Variants in ADGRG6 observed in about 807,000 individuals in gnomAD.
The protein encoded by ADGRG6 is adhesion G protein-coupled receptor G6.
Under a neutral mutation model 142.4 loss-of-function variants are expected in ADGRG6, and 84 were observed. The observed-to-expected ratio is 0.59, with a 90% CI of 0.49 to 0.71. ADGRG6 has a LOEUF of 0.71. Among genes scored for constraint, ADGRG6 ranks in the 30% least tolerant of loss-of-function variants. The pLI, the probability that ADGRG6 is intolerant of heterozygous loss-of-function variation, is 0.00. For missense variants in ADGRG6, 1,367 were observed against 1,466.6 expected (o/e 0.93, Z 1.11); for synonymous variants, 521 against 520.5 (o/e 1.00, Z -0.01).
chr6:142,357,728 A>G (rs1041755802), intron 2 of ADGRG6, among the ~76,000 whole-genome samples: 2 of 152,186 alleles, frequency 1.3e-5, no homozygotes, highest in Non-Finnish European at 2.9e-5. Flanking sequence ...TGTAAACCCA[A>G]AATTTGCTCT....
At chr6:142,316,639 T>C (rs918568887) in intron 2 of ADGRG6, among the ~76,000 whole-genome samples, 1 of 152,188 alleles carries the variant, frequency 6.6e-6, no homozygotes, top group Non-Finnish European at 1.5e-5. Context: ...TTATGTACAA[T>C]TGATACTGGC....
Position 142,397,625 on chromosome 6 carries a change from G to T in ADGRG6, c.1437G>T (p.Trp479Cys). ...AATGTTTCCCTAGGTTGGTGCTTTGGGCCCTTCTAGTTTACAATGCTACCA... is the reference window on the plus strand; with the variant it reads ...AATGTTTCCCTAGGTTGGTGCTTTGTGCCCTTCTAGTTTACAATGCTACCA... Reference protein sequence around the residue: ...SLEDEPRLVLWALLVYNATNN... With the variant: ...SLEDEPRLVLCALLVYNATNN... Residue 479 changes from tryptophan (W) to cysteine (C), a missense_variant, in exon 10 of 25, where the codon TGG becomes TGT. By Grantham distance (215) the Trp-to-Cys change is radical. Transcript: ENST00000367609. 3 of 1,608,334 alleles carry T rather than the reference G, an allele frequency of 1.9e-6. No individual in the cohort carries two copies. The highest frequency in any genetic ancestry group is 2.5e-6 in the Non-Finnish European group (3 of 1,177,794).
At chr6:142,405,941 CTG>C (rs1323630483) in intron 15 of ADGRG6, 113 bp downstream of exon 15, 5 of 711,388 alleles carry the variant, frequency 7.0e-6, no homozygotes, top group East Asian at 3.0e-5. Context: ...GAAAAATTTA[CTG>C]TGTTTTCAAA....
At chr6:142,338,740 A>C (rs548730635) in intron 2 of ADGRG6, among the ~76,000 whole-genome samples, 54 of 152,244 alleles carry the variant, frequency 3.5e-4, no homozygotes, top group Admixed American at 7.2e-4. Flanking sequence ...CTGTAATCTA[A>C]AAGAAGTATA....
At chr6:142,412,997 T>G (rs1421347865) in intron 18 of ADGRG6, among the ~76,000 whole-genome samples, 1 of 151,542 alleles carries the variant, frequency 6.6e-6, no homozygotes, top group African/African-American at 2.4e-5. Context: ...TTACGCATTA[T>G]TTTTTCTGCT....
chr6:142,324,311 C>G (rs1442282488), intron 2 of ADGRG6, among the ~76,000 whole-genome samples: 2 of 152,070 alleles, frequency 1.3e-5, no homozygotes, highest in Non-Finnish European at 2.9e-5. Context: ...TTGCTGATGT[C>G]AGCATGGCCT....
chr6:142,359,297 G>C (rs568842180), intron 2 of ADGRG6, among the ~76,000 whole-genome samples: 2 of 151,142 alleles, frequency 1.3e-5, no homozygotes, highest in African/African-American at 4.9e-5. Flanking sequence ...ACTGCTGTTG[G>C]TATACTTTCA....
intron 4 of ADGRG6, chr6:142,371,049 C>A: frequency 2.4e-6 from 1 of 411,324 alleles, no homozygotes; most frequent in Non-Finnish European, 4.3e-6. Flanking sequence ...TAAGTTTTCC[C>A]TATGTCATAA....
intron 2 of ADGRG6, among the ~76,000 whole-genome samples, chr6:142,333,965 G>T (rs1310126358): frequency 6.6e-6 from 1 of 152,102 alleles, no homozygotes; most frequent in Non-Finnish European, 1.5e-5. Context: ...ATATATTTTG[G>T]TGAATAAAAT....
intron 22 of ADGRG6, among the ~76,000 whole-genome samples, chr6:142,425,985 A>G (rs936278038): frequency 2.0e-5 from 3 of 152,182 alleles, no homozygotes; most frequent in African/African-American, 7.2e-5. Flanking sequence ...ATCACCTTCC[A>G]CTGGGTTCCT....
At chr6:142,433,615 C>T (rs1777325854) in intron 22 of ADGRG6, among the ~76,000 whole-genome samples, 1 of 152,130 alleles carries the variant, frequency 6.6e-6, no homozygotes, top group Non-Finnish European at 1.5e-5. Context: ...TTTGTAATGC[C>T]CTGACACAGG....
chr6:142,383,424 A>G (rs2114936528), intron 5 of ADGRG6, among the ~76,000 whole-genome samples: 1 of 152,230 alleles, frequency 6.6e-6, no homozygotes, highest in African/African-American at 2.4e-5. Flanking sequence ...TCAGGAAACC[A>G]AGTTCTAGAA....
At chr6:142,440,950 T>A in intron 24 of ADGRG6, 4 of 1,487,094 alleles carry the variant, frequency 2.7e-6, no homozygotes, top group Non-Finnish European at 3.6e-6. Context: ...AGTGGATCAC[T>A]CAGGTAAACT....
At position 142,376,857 on chromosome 6, in the gene ADGRG6, T is replaced by C. The variant is rs77937634; in HGVS notation, c.1070-5094T>C. Reference sequence around the variant, plus strand: ...AGGAATTACTGTTTTTATTTTTCTGTTATTGCAACTTATTGTGAGGATTTG... The same window carrying C: ...AGGAATTACTGTTTTTATTTTTCTGCTATTGCAACTTATTGTGAGGATTTG... On this transcript the variant is annotated intron_variant, in intron 4 of 24. Coordinates refer to ENST00000367609, the MANE Select transcript of ADGRG6 (RefSeq NM_198569.3). Among the ~76,000 whole-genome samples, 1,480 of 152,332 alleles carry C rather than the reference T, an allele frequency of 9.7e-3. 23 individuals carry two copies. The highest frequency in any genetic ancestry group is 0.059 in the East Asian group (305 of 5,188).
At chr6:142,357,772 A>G (rs904298193) in intron 2 of ADGRG6, among the ~76,000 whole-genome samples, 8 of 152,224 alleles carry the variant, frequency 5.3e-5, no homozygotes, top group Non-Finnish European at 7.4e-5. Context: ...CCTGCACCAC[A>G]TAACATGGAA....
Position 142,419,920 on chromosome 6 carries a change from G to A in ADGRG6, c.3135G>A (p.Val1045=). ...TTGCCATGTTCATTGTGGTAATGGT[G>A]CAGATCTGTGGGAGGAATGGCAAGA... ...LNIAMFIVVM[V]QICGRNGKRS... Residue 1045 remains valine, a synonymous_variant, in exon 22 of 25, where the codon GTG becomes GTA. Coordinates refer to ENST00000367609, the MANE Select transcript of ADGRG6 (RefSeq NM_198569.3). 5 of 1,613,382 alleles carry A rather than the reference G, an allele frequency of 3.1e-6. No individual in the cohort carries two copies. Among genetic ancestry groups the A allele is most frequent in the Non-Finnish European group, 4.2e-6 (5 of 1,179,470 alleles).
intron 2 of ADGRG6, among the ~76,000 whole-genome samples, chr6:142,336,251 C>T (rs1467148551): frequency 6.6e-6 from 1 of 152,118 alleles, no homozygotes; most frequent in East Asian, 1.9e-4. Context: ...TATTTTTCTT[C>T]CTTAGGGAGA....
rs906779118 is a variant in ADGRG6 at position 142,397,617 on chromosome 6, G to T, written c.1429G>T (p.Val477Leu). 2.5e-6 allele frequency: 4 copies of T among 1,608,180 alleles called. No homozygotes were observed. The highest frequency in any genetic ancestry group is 1.7e-5 in the Admixed American group (1 of 58,662). ...KRSLEDEPRL[V>L]LWALLVYNAT... The stretch of plus-strand genomic sequence containing the variant: ...CTATCCGAAATGTTTCCCTAGGTTG[G>T]TGCTTTGGGCCCTTCTAGTTTACAA... The change falls in exon 10 of 25, where the codon GTG (valine) becomes TTG (leucine). Residue 477 changes from valine to leucine, a missense_variant. Transcript: ENST00000367609.
At chr6:142,430,122 C>G (rs1269185784) in intron 22 of ADGRG6, among the ~76,000 whole-genome samples, 1 of 152,102 alleles carries the variant, frequency 6.6e-6, no homozygotes, top group African/African-American at 2.4e-5. Flanking sequence ...GATTAAAACA[C>G]CAGTCATTAC....
Sources: allele counts gnomAD v4.1 joint callset (sites outside exome capture counted in the v4.1 genomes callset), GRCh38; gene constraint gnomAD v4.1.1; transcripts MANE v1.5; gene names NCBI Gene and HGNC (gene_info 2026-07-23, HGNC 2026-07-21).